The following SEMA5A variants were observed in gnomAD, a reference collection of about 807,000 sequenced individuals.
The protein encoded by SEMA5A is semaphorin-5A.
Under a neutral mutation model 135.5 loss-of-function variants are expected in SEMA5A, and 55 were observed. The observed-to-expected ratio is 0.41, with a 90% CI of 0.33 to 0.51. The LOEUF (loss-of-function observed/expected upper bound fraction) is 0.51. Ranked by LOEUF, SEMA5A falls within the 20% of genes least tolerant of loss-of-function variation. The pLI is 0.37. For missense variants in SEMA5A, 1,290 were observed against 1,419.9 expected, an observed-to-expected ratio of 0.91 and a Z score of 1.47; for synonymous variants, 580 against 546.5, an observed-to-expected ratio of 1.06 and a Z score of -0.85.
chr5:9,132,089 A>G (rs1210008579), intron 13 of SEMA5A, among the ~76,000 whole-genome samples: 1 of 152,232 alleles, frequency 6.6e-6, no homozygotes, highest in African/African-American at 2.4e-5. Flanking sequence ...TTACAATTTT[A>G]TAAGCAAACA....
At chr5:9,076,863 G>A (rs1484071145) in intron 16 of SEMA5A, among the ~76,000 whole-genome samples, 3 of 137,200 alleles carry the variant, frequency 2.2e-5, no homozygotes, top group East Asian at 2.1e-4. Context: ...TATGCATTAC[G>A]ATCTTTGTGT....
chr5:9,518,723 C>T (rs1284032134), intron 1 of SEMA5A, among the ~76,000 whole-genome samples: 1 of 152,100 alleles, frequency 6.6e-6, no homozygotes, highest in Non-Finnish European at 1.5e-5. Context: ...TTCAGACGAG[C>T]TTGTGCACTG....
intron 11 of SEMA5A, among the ~76,000 whole-genome samples, chr5:9,179,340 C>T (rs1234979716): frequency 6.6e-6 from 1 of 152,128 alleles, no homozygotes; most frequent in Non-Finnish European, 1.5e-5. Flanking sequence ...CCAGTCAATA[C>T]TAATCATGTG....
At chr5:9,513,866 T>C (rs1486341019) in intron 1 of SEMA5A, among the ~76,000 whole-genome samples, 1 of 152,196 alleles carries the variant, frequency 6.6e-6, no homozygotes, top group Non-Finnish European at 1.5e-5. Context: ...ACTAGTGAGA[T>C]AGTGGAGTGG....
At position 9,050,208 on chromosome 5, in the gene SEMA5A, C is replaced by G. The variant is rs189107190; in HGVS notation, c.2893+202G>C. Among the ~76,000 whole-genome samples, 12 of 152,258 alleles carry G rather than the reference C, an allele frequency of 7.9e-5. No individual in the cohort carries two copies. The East Asian group carries it at 2.1e-3, about 27-fold the overall frequency. ...CATGCCCTGGACGTGGGTCTACGCA[C>G]CCCATTTTGAGAACCACCGATCGGT... is the stretch of plus-strand genomic sequence containing the variant. On this transcript the variant is annotated intron_variant, in intron 21 of 22. Transcript: ENST00000382496.
intron 5 of SEMA5A, among the ~76,000 whole-genome samples, chr5:9,280,602 C>A (rs1489164543): frequency 6.6e-6 from 1 of 152,184 alleles, no homozygotes; most frequent in Non-Finnish European, 1.5e-5. Flanking sequence ...CATTTGAAGT[C>A]CAGTTTCCTA....
At chr5:9,203,332 A>T (rs1745825168) in intron 8 of SEMA5A, among the ~76,000 whole-genome samples, 1 of 152,220 alleles carries the variant, frequency 6.6e-6, no homozygotes, top group South Asian at 2.1e-4. Flanking sequence ...ACAAAGACAC[A>T]TTTTCAGGGA....
intron 1 of SEMA5A, among the ~76,000 whole-genome samples, chr5:9,497,697 A>G (rs1735374190): frequency 6.6e-6 from 1 of 152,192 alleles, no homozygotes; most frequent in African/African-American, 2.4e-5. Flanking sequence ...GGAAAAAGAG[A>G]CACAGGGATG....
chr5:9,171,564 C>G (rs1376251139), intron 11 of SEMA5A, among the ~76,000 whole-genome samples: 1 of 152,190 alleles, frequency 6.6e-6, no homozygotes, highest in African/African-American at 2.4e-5. Context: ...CTTCCATTGA[C>G]TTTCCAGTGA....
chr5:9,068,622 G>A (rs1431688215), intron 16 of SEMA5A, among the ~76,000 whole-genome samples: 4 of 152,164 alleles, frequency 2.6e-5, no homozygotes, highest in Admixed American at 6.5e-5. Flanking sequence ...AGTCCCCTTG[G>A]TGGAGTGGGA....
chr5:9,248,285 C>T (rs1748580106), intron 5 of SEMA5A, among the ~76,000 whole-genome samples: 1 of 152,086 alleles, frequency 6.6e-6, no homozygotes, highest in Non-Finnish European at 1.5e-5. Context: ...ATGAAGAGAA[C>T]ATGAGGCACT....
chr5:9,338,279 T>C (rs867319963), intron 3 of SEMA5A, among the ~76,000 whole-genome samples: 1 of 152,240 alleles, frequency 6.6e-6, no homozygotes, highest in African/African-American at 2.4e-5. Flanking sequence ...AGATGTTCCA[T>C]TTCCCTGTCC....
intron 1 of SEMA5A, among the ~76,000 whole-genome samples, chr5:9,496,625 G>A (rs1735315937): frequency 6.6e-6 from 1 of 152,066 alleles, no homozygotes; most frequent in African/African-American, 2.4e-5. Flanking sequence ...AACCCAGCTG[G>A]GATGTGGCAG....
chr5:9,450,252 G>T (rs1166217496), intron 1 of SEMA5A, among the ~76,000 whole-genome samples: 1 of 152,108 alleles, frequency 6.6e-6, no homozygotes, highest in African/African-American at 2.4e-5. Flanking sequence ...AGGCCAACCC[G>T]GTGGCCAATA....
At chr5:9,447,005 G>A (rs1472776300) in intron 1 of SEMA5A, among the ~76,000 whole-genome samples, 1 of 152,190 alleles carries the variant, frequency 6.6e-6, no homozygotes, top group Admixed American at 6.5e-5. Context: ...AAAACAGAGA[G>A]GGGCTCATTT....
At chr5:9,269,726 T>G (rs560247260) in intron 5 of SEMA5A, among the ~76,000 whole-genome samples, 1 of 152,152 alleles carries the variant, frequency 6.6e-6, no homozygotes, top group African/African-American at 2.4e-5. Context: ...TAAATTTTTA[T>G]AAAATATCTA....
At chr5:9,161,145 A>G (rs75298298) in intron 11 of SEMA5A, among the ~76,000 whole-genome samples, 1 of 151,128 alleles carries the variant, frequency 6.6e-6, no homozygotes, top group East Asian at 1.9e-4. Flanking sequence ...TTTTTTTTTA[A>G]TGGGAGTTTG....
chr5:9,180,270 T>C (rs1744432133), intron 11 of SEMA5A, among the ~76,000 whole-genome samples: 1 of 152,184 alleles, frequency 6.6e-6, no homozygotes, highest in South Asian at 2.1e-4. Flanking sequence ...ACATACCTTC[T>C]TTGGGAACAC....
intron 3 of SEMA5A, chr5:9,367,448 ATCTC>A (rs1754964675): frequency 6.6e-6 from 1 of 152,210 alleles, no homozygotes. Flanking sequence ...CTAAATATGT[ATCTC>A]TCTTATTTCC....
Sources: gnomAD v4.1 joint callset for allele counts (sites outside exome capture counted in the v4.1 genomes callset) on GRCh38, gnomAD v4.1.1 for gene constraint, MANE v1.5 for transcripts, NCBI Gene and HGNC (gene_info 2026-07-23, HGNC 2026-07-21) for gene names.